The following SRBD1 variants were observed in gnomAD, a reference collection of about 807,000 sequenced individuals.
SRBD1 encodes S1 RNA-binding domain-containing protein 1.
In SRBD1, 88 loss-of-function variants were observed where a neutral mutation model predicts 115.3. The observed-to-expected ratio is 0.76, with a 90% confidence interval of 0.64 to 0.91. The LOEUF is 0.91. SRBD1 is among the 40% of genes least tolerant of loss of function. The probability of loss-of-function intolerance (pLI) is 0.00; values close to 1 mark genes in which losing one functional copy is unlikely to be tolerated. For missense variants in SRBD1, 1,385 were observed against 1,177.4 expected, an observed-to-expected ratio of 1.18 and a Z score of -2.58; for synonymous variants, 509 against 407.7, an observed-to-expected ratio of 1.25 and a Z score of -2.99.
chr2:45,414,253 T>C (rs1157557763), intron 18 of SRBD1, among the ~76,000 whole-genome samples: 3 of 152,124 alleles, frequency 2.0e-5, no homozygotes, highest in Non-Finnish European at 4.4e-5. Flanking sequence ...GTATAACCCA[T>C]ACCAAGCTCT....
intron 18 of SRBD1, among the ~76,000 whole-genome samples, chr2:45,414,592 T>C (rs1327311149): frequency 6.7e-6 from 1 of 149,326 alleles, no homozygotes; most frequent in Non-Finnish European, 1.5e-5. Flanking sequence ...AGTGTGTGTG[T>C]ACACATAGTG....
chr2:45,476,560 A>G (rs1669808948), intron 16 of SRBD1, among the ~76,000 whole-genome samples: 1 of 152,216 alleles, frequency 6.6e-6, no homozygotes, highest in Non-Finnish European at 1.5e-5. Context: ...AAATACAGTA[A>G]CAACAAAAAC....
chr2:45,596,096 C>A (rs1673885955), intron 4 of SRBD1, among the ~76,000 whole-genome samples: 1 of 152,168 alleles, frequency 6.6e-6, no homozygotes, highest in Non-Finnish European at 1.5e-5. Flanking sequence ...TAAAATAGTT[C>A]TTGTGCCTTT....
At chr2:45,566,078 G>A (rs1016455045) in intron 9 of SRBD1, among the ~76,000 whole-genome samples, 4 of 152,232 alleles carry the variant, frequency 2.6e-5, no homozygotes, top group African/African-American at 9.6e-5. Context: ...TGGGAGGGAT[G>A]TAGAGAAATC....
At chr2:45,446,049 G>C (rs1161094383) in intron 16 of SRBD1, among the ~76,000 whole-genome samples, 3 of 152,198 alleles carry the variant, frequency 2.0e-5, no homozygotes, top group African/African-American at 7.2e-5. Flanking sequence ...AGTGGCTCCT[G>C]TCAGGCAGAC....
At chr2:45,444,326 G>T (rs1180458518) in intron 16 of SRBD1, among the ~76,000 whole-genome samples, 1 of 152,128 alleles carries the variant, frequency 6.6e-6, no homozygotes, top group East Asian at 1.9e-4. Flanking sequence ...AGTCACTTGA[G>T]CCTAGAAGTT....
At chr2:45,532,464 A>T (rs1440722915) in intron 14 of SRBD1, among the ~76,000 whole-genome samples, 1 of 151,886 alleles carries the variant, frequency 6.6e-6, no homozygotes, top group Non-Finnish European at 1.5e-5. Flanking sequence ...CTGATGAAAT[A>T]GGGATTAATG....
At chr2:45,564,479 A>G (rs1672765202) in intron 9 of SRBD1, among the ~76,000 whole-genome samples, 1 of 152,218 alleles carries the variant, frequency 6.6e-6, no homozygotes, top group African/African-American at 2.4e-5. Context: ...TTTGCAGCTA[A>G]CATGATCTTA....
chr2:45,400,914 G>C (rs1259839368), intron 19 of SRBD1, among the ~76,000 whole-genome samples: 1 of 152,166 alleles, frequency 6.6e-6, no homozygotes, highest in Non-Finnish European at 1.5e-5. Context: ...GGAAAGTTAT[G>C]TCAAGTCTCA....
rs1667659020 is a variant in SRBD1, at chr2:45,413,251, C to T, written c.2376G>A (p.Val792=). ...TGACCTCAACGTCTGCTGAAGATGT[C>T]ACAGCAACTCCTTGAATTTGGCCTG... The part of the protein sequence containing the change: ...ETSGQIQGVA[V]TSSADVEVTN... Residue 792 remains valine (V), a synonymous_variant, in exon 19 of 21, where the codon GTG becomes GTA. Transcript: ENST00000263736. The T allele has an allele frequency of 6.2e-7, 1 of 1,613,892 alleles. No individual in the cohort carries two copies. The highest frequency in any genetic ancestry group is 8.5e-7 in the Non-Finnish European group (1 of 1,179,984).
At chr2:45,446,662 A>T (rs1459727216) in intron 16 of SRBD1, among the ~76,000 whole-genome samples, 1 of 151,964 alleles carries the variant, frequency 6.6e-6, no homozygotes, top group Non-Finnish European at 1.5e-5. Flanking sequence ...CAACCCAATT[A>T]ATAAAAAGAC....
intron 16 of SRBD1, among the ~76,000 whole-genome samples, chr2:45,428,158 C>G (rs1210262922): frequency 6.6e-6 from 1 of 152,190 alleles, no homozygotes; most frequent in African/African-American, 2.4e-5. Flanking sequence ...GTCTCTCAGA[C>G]TACAGTGCAA....
intron 19 of SRBD1, among the ~76,000 whole-genome samples, chr2:45,402,120 C>G (rs942878370): frequency 6.6e-6 from 1 of 152,108 alleles, no homozygotes; most frequent in African/African-American, 2.4e-5. Flanking sequence ...TAGGCAGAAC[C>G]TTTTAAGGCC....
At chr2:45,536,490 T>C (rs1049038580) in intron 14 of SRBD1, among the ~76,000 whole-genome samples, 1 of 152,092 alleles carries the variant, frequency 6.6e-6, no homozygotes, top group Non-Finnish European at 1.5e-5. Flanking sequence ...TTACAAAGAG[T>C]GCATCTCTGA....
At chr2:45,505,063 T>G (rs1281013842) in intron 14 of SRBD1, among the ~76,000 whole-genome samples, 1 of 152,086 alleles carries the variant, frequency 6.6e-6, no homozygotes, top group Non-Finnish European at 1.5e-5. Flanking sequence ...AACCGAGTCT[T>G]CTACACAAAA....
At chr2:45,559,208 C>T (rs953531214) in intron 10 of SRBD1, among the ~76,000 whole-genome samples, 5 of 152,162 alleles carry the variant, frequency 3.3e-5, no homozygotes, top group African/African-American at 9.7e-5. Context: ...TACACTGTGG[C>T]CTGAGTGATC....
chr2:45,429,285 A>T (rs1668258738), intron 16 of SRBD1, among the ~76,000 whole-genome samples: 1 of 152,204 alleles, frequency 6.6e-6, no homozygotes. Flanking sequence ...ACTCCTCCCT[A>T]ACTCATTTAA....
At chr2:45,514,683 G>A (rs1017302916) in intron 14 of SRBD1, among the ~76,000 whole-genome samples, 6 of 152,232 alleles carry the variant, frequency 3.9e-5, no homozygotes, top group East Asian at 1.9e-4. Flanking sequence ...TACTGAAACT[G>A]TCTGAGTTCT....
Position 45,452,899 on chromosome 2 carries a change from T to G in SRBD1, c.2049+24094A>C, listed in dbSNP as rs185870694. Among the ~76,000 whole-genome samples, 173 of 152,106 alleles carry G rather than the reference T, an allele frequency of 1.1e-3. 1 individual carries two copies. Among genetic ancestry groups the G allele is most frequent in the South Asian group, 2.3e-3 (11 of 4,828 alleles). ...GTGGAATAAACTGTATACTAGGTTT[T>G]CGTTAGAATGTCTGAAGCTATCACA... On this transcript the variant is annotated intron_variant, in intron 16 of 20. Transcript: ENST00000263736.
Sources: allele counts gnomAD v4.1 joint callset (sites outside exome capture counted in the v4.1 genomes callset), GRCh38; gene constraint gnomAD v4.1.1; transcripts MANE v1.5; gene names NCBI Gene and HGNC (gene_info 2026-07-23, HGNC 2026-07-21).